The following PPARG variants were observed in gnomAD, a reference collection of about 807,000 sequenced individuals.
PPARG encodes peroxisome proliferator-activated receptor gamma.
PPARG carries 17 observed loss-of-function variants against 39.2 expected under a neutral mutation model. The observed-to-expected ratio is 0.43, with a 90% CI of 0.30 to 0.65. The LOEUF (loss-of-function observed/expected upper bound fraction) is 0.65. Ranked by LOEUF, PPARG falls within the 30% of genes least tolerant of loss-of-function variation. The pLI, the probability that PPARG is intolerant of heterozygous loss-of-function variation, is 0.13. For synonymous variants in PPARG, 223 were observed against 215.7 expected (o/e 1.03, Z -0.30); for missense variants, 406 against 585.9 (o/e 0.69, Z 3.17).
chr3:12,321,677 G>A (rs1403704721), intron 2 of PPARG, among the ~76,000 whole-genome samples: 2 of 152,062 alleles, frequency 1.3e-5, no homozygotes, highest in Non-Finnish European at 2.9e-5. Context: ...CAGACTCTGT[G>A]GTCGGCCCAG....
rs761238501 is a variant in PPARG at position 12,310,791 on chromosome 3, T to TAAAAAA, written c.-82-1561_-82-1556dup. ...CCCTTTTTAATAGTTGCCTTAAATG[T>TAAAAAA]AAAAAAAAAAAAAAAAAAAAAAAAA... On this transcript the variant is annotated intron_variant, in intron 1 of 7. Coordinates refer to ENST00000651735, the MANE Select transcript of PPARG (RefSeq NM_138711.6). Among the ~76,000 whole-genome samples, 32 of 50,346 alleles carry TAAAAAA rather than the reference T, an allele frequency of 6.4e-4. 1 individual carries two copies. The highest frequency in any genetic ancestry group is 8.0e-4 in the Non-Finnish European group (24 of 30,044). The allele number at this position is 50,346 out of a possible 152,430, so 33.0% of individuals were successfully genotyped here.
At chr3:12,382,489 T>C (rs1575089783) in intron 4 of PPARG, among the ~76,000 whole-genome samples, 1 of 152,232 alleles carries the variant, frequency 6.6e-6, no homozygotes, top group East Asian at 1.9e-4. Context: ...TTATTGGGCT[T>C]TTTATTCAAC....
intron 2 of PPARG, among the ~76,000 whole-genome samples, chr3:12,372,675 G>A (rs1326019840): frequency 6.6e-6 from 1 of 152,102 alleles, no homozygotes; most frequent in Non-Finnish European, 1.5e-5. Flanking sequence ...TATTTCTGGT[G>A]TTCAATTTTA....
intron 1 of PPARG, among the ~76,000 whole-genome samples, chr3:12,296,275 A>AAAAAG (rs2046783770): frequency 6.6e-6 from 1 of 151,574 alleles, no homozygotes; most frequent in African/African-American, 2.4e-5. Flanking sequence ...AAAAAAAAAA[A>AAAAAG]AAAAGAATAA....
chr3:12,290,496 A>AT (rs1284714179), intron 1 of PPARG, among the ~76,000 whole-genome samples: 5 of 152,120 alleles, frequency 3.3e-5, no homozygotes, highest in Non-Finnish European at 7.4e-5. Flanking sequence ...CTAAATGTTC[A>AT]TTTTTTTGTA....
At chr3:12,308,369 AAG>A (rs142985942) in intron 1 of PPARG, among the ~76,000 whole-genome samples, 7,606 of 106,652 alleles carry the variant, frequency 0.071, 626 homozygotes, top group African/African-American at 0.13. Context: ...AAAAAAAAAA[AAG>A]GGAGAAACTG....
chr3:12,355,486 A>G (rs187583818), intron 2 of PPARG, among the ~76,000 whole-genome samples: 119 of 152,232 alleles, frequency 7.8e-4, no homozygotes, highest in African/African-American at 2.6e-3. Context: ...CTTTTTCTTG[A>G]ATATTACTCT....
intron 4 of PPARG, among the ~76,000 whole-genome samples, chr3:12,384,498 A>G (rs2049802196): frequency 1.3e-5 from 2 of 152,138 alleles, no homozygotes; most frequent in African/African-American, 4.8e-5. Flanking sequence ...ACCAGATACT[A>G]TGTGAGGTAC....
intron 6 of PPARG, among the ~76,000 whole-genome samples, chr3:12,413,884 C>G (rs2050970239): frequency 6.6e-6 from 1 of 151,578 alleles, no homozygotes; most frequent in Non-Finnish European, 1.5e-5. Flanking sequence ...TCTCTCTGTC[C>G]TTGAGTATTT....
At chr3:12,410,129 G>A (rs918091196) in intron 6 of PPARG, among the ~76,000 whole-genome samples, 3 of 152,216 alleles carry the variant, frequency 2.0e-5, no homozygotes, top group Non-Finnish European at 4.4e-5. Flanking sequence ...AATTTTAGGA[G>A]CAGTAGACCT....
At chr3:12,429,955 A>G (rs929517913) in intron 7 of PPARG, among the ~76,000 whole-genome samples, 4 of 152,250 alleles carry the variant, frequency 2.6e-5, no homozygotes, top group African/African-American at 9.6e-5. Flanking sequence ...ATCTAAAAAG[A>G]AAATTATACT....
chr3:12,397,247 C>T (rs1008416521), intron 5 of PPARG, among the ~76,000 whole-genome samples: 1 of 151,584 alleles, frequency 6.6e-6, no homozygotes, highest in South Asian at 2.1e-4. Flanking sequence ...AAAGATTTCA[C>T]AAATTTTTGT....
intron 6 of PPARG, among the ~76,000 whole-genome samples, chr3:12,411,793 G>A (rs747819887): frequency 1.5e-5 from 2 of 134,336 alleles, no homozygotes; most frequent in Non-Finnish European, 3.4e-5. Context: ...AGAAACCAAC[G>A]AGAGGCTGAG....
intron 1 of PPARG, among the ~76,000 whole-genome samples, chr3:12,292,816 C>CG (rs1559481586): frequency 6.6e-6 from 1 of 152,072 alleles, no homozygotes; most frequent in African/African-American, 2.4e-5. Context: ...GCGTGGGCCC[C>CG]GGGGGCTGAG....
intron 1 of PPARG, among the ~76,000 whole-genome samples, chr3:12,302,528 GAAAA>G (rs942986484): frequency 6.6e-6 from 1 of 150,728 alleles, no homozygotes; most frequent in Non-Finnish European, 1.5e-5. Context: ...CTCAAATTAA[GAAAA>G]AAAAAGTTCC....
At chr3:12,382,587 T>G (rs559473509) in intron 4 of PPARG, among the ~76,000 whole-genome samples, 1 of 152,346 alleles carries the variant, frequency 6.6e-6, no homozygotes, top group East Asian at 1.9e-4. Context: ...CTGATTTTTA[T>G]TGAATTCTTA....
At chr3:12,373,229 C>G (rs899750337) in intron 2 of PPARG, among the ~76,000 whole-genome samples, 1 of 152,060 alleles carries the variant, frequency 6.6e-6, no homozygotes, top group African/African-American at 2.4e-5. Context: ...CTGTGCCTCC[C>G]AGTAACTATG....
chr3:12,401,414 A>G (rs1283012820), intron 5 of PPARG, among the ~76,000 whole-genome samples: 3 of 152,206 alleles, frequency 2.0e-5, no homozygotes, highest in African/African-American at 4.8e-5. Flanking sequence ...CAGCAGCCAT[A>G]GTTACCAAGA....
chr3:12,339,160 G>A (rs1325822798), intron 2 of PPARG, among the ~76,000 whole-genome samples: 3 of 151,776 alleles, frequency 2.0e-5, no homozygotes, highest in Non-Finnish European at 2.9e-5. Flanking sequence ...ACTCAACCTC[G>A]GAACCTCCAA....
Sources: gnomAD v4.1 joint callset for allele counts (sites outside exome capture counted in the v4.1 genomes callset) on GRCh38, gnomAD v4.1.1 for gene constraint, MANE v1.5 for transcripts, NCBI Gene and HGNC (gene_info 2026-07-23, HGNC 2026-07-21) for gene names.